Variants in SCLT1 observed in about 807,000 individuals in gnomAD.
The protein encoded by SCLT1 is sodium channel and clathrin linker 1, also known as sodium channel-associated protein 1.
SCLT1 carries 78 observed loss-of-function variants against 112.8 expected under a neutral mutation model. That is an observed-to-expected ratio of 0.69 (90% CI 0.58 to 0.83). The LOEUF (loss-of-function observed/expected upper bound fraction) is 0.83. Among genes scored for constraint, SCLT1 ranks in the 40% least tolerant of loss-of-function variants. The probability of loss-of-function intolerance (pLI) is 0.00; values close to 1 mark genes in which losing one functional copy is unlikely to be tolerated. For missense variants in SCLT1, 747 were observed against 770.4 expected, an observed-to-expected ratio of 0.97 and a Z score of 0.36; for synonymous variants, 257 against 254.7, an observed-to-expected ratio of 1.01 and a Z score of -0.09.
At chr4:128,988,279 A>G (rs1742271397) in intron 9 of SCLT1, among the ~76,000 whole-genome samples, 1 of 152,032 alleles carries the variant, frequency 6.6e-6, no homozygotes, top group Admixed American at 6.6e-5. Flanking sequence ...AAATACTACA[A>G]CTTTTGAAGA....
chr4:128,959,069 ATCAT>A (rs1739455627), intron 12 of SCLT1, among the ~76,000 whole-genome samples: 2 of 152,198 alleles, frequency 1.3e-5, no homozygotes, highest in Admixed American at 1.3e-4. Flanking sequence ...ACTTAAATGT[ATCAT>A]TCATAGGGAA....
intron 9 of SCLT1, among the ~76,000 whole-genome samples, chr4:128,974,420 A>T (rs1472346207): frequency 6.6e-6 from 1 of 151,534 alleles, no homozygotes; most frequent in Non-Finnish European, 1.5e-5. Flanking sequence ...TGCCAGAAAA[A>T]ATGACCCTGA....
At position 128,925,169 on chromosome 4, in the gene SCLT1, G is replaced by A. The variant is rs571389803; in HGVS notation, c.1829+11486C>T. 2.0e-3 allele frequency among the ~76,000 whole-genome samples: 304 copies of A among 152,220 alleles called. 1 individual carries two copies. Among genetic ancestry groups the A allele is most frequent in the Non-Finnish European group, 3.9e-3 (262 of 68,024 alleles). ...CAATGCGTTGATTGCAACTTTATGA[G>A]AAACCCTGAGTCAGAGGCATTCTGA... On this transcript the variant is annotated intron_variant, in intron 18 of 20. Coordinates refer to ENST00000281142, the MANE Select transcript of SCLT1 (RefSeq NM_144643.4).
Position 129,093,124 on chromosome 4 carries a change from G to C in SCLT1, c.-21C>G, listed in dbSNP as rs749429948. The C allele has an allele frequency of 6.8e-6, 11 of 1,611,908 alleles. No homozygotes were observed. Among genetic ancestry groups the C allele is most frequent in the Non-Finnish European group, 9.3e-6 (11 of 1,178,086 alleles). On this transcript the variant is annotated 5_prime_UTR_variant, in exon 1 of 21. Transcript: ENST00000281142. ...GCCATTTCGATACAATTTTAGTTTA[G>C]AGCTTTCACCACCTTTACCTTCCTC...
chr4:128,962,325 G>A (rs986048890), intron 11 of SCLT1, among the ~76,000 whole-genome samples: 1 of 152,126 alleles, frequency 6.6e-6, no homozygotes, highest in Non-Finnish European at 1.5e-5. Context: ...GACATATTAT[G>A]TGAATGGAAT....
intron 18 of SCLT1, among the ~76,000 whole-genome samples, chr4:128,897,280 C>T (rs146397486): frequency 0.27 from 40,491 of 151,690 alleles, 5,765 homozygotes; most frequent in East Asian, 0.33. Context: ...AGAGAAAGAT[C>T]GGGTTACCCA....
Position 128,992,941 on chromosome 4 carries a change from T to C in SCLT1, c.616-704A>G, listed in dbSNP as rs537169031. ...TTTTATCCATGATGATACAAATTCCTTATCCCTTTTCTTTATATATTATGG... is the reference window on the plus strand; with the variant it reads ...TTTTATCCATGATGATACAAATTCCCTATCCCTTTTCTTTATATATTATGG... On this transcript the variant is annotated intron_variant, in intron 8 of 20. Transcript: ENST00000281142. 2.6e-5 allele frequency among the ~76,000 whole-genome samples: 4 copies of C among 152,136 alleles called. No individual in the cohort carries two copies. In the South Asian group the frequency reaches 8.3e-4, roughly 32 times the overall value.
In SCLT1 at chr4:128,992,312, A is replaced by G. The variant is rs145825690; in HGVS notation, c.616-75T>C. The G allele has an allele frequency of 2.0e-4, 184 of 912,924 alleles. 1 individual carries two copies. The African/African-American group carries it at 2.3e-3, about 11-fold the overall frequency. The allele number at this position is 912,924 out of a possible 1,614,324, so 56.6% of individuals were successfully genotyped here. A position where few individuals can be genotyped will look rare whatever the true frequency, so the allele number is the denominator to read the frequency against. On this transcript the variant is annotated intron_variant, in intron 8 of 20. Transcript: ENST00000281142. ...TCTTTAAAGATGACACATCAGACAT[A>G]CAAGTAGAAAAAAAGTTTAGTGAGA... is the stretch of plus-strand genomic sequence containing the variant.
rs141275432 is a variant in SCLT1, at chr4:128,936,778, C to T, written c.1706G>A (p.Ser569Asn). The T allele has an allele frequency of 6.2e-7, 1 of 1,608,208 alleles. No individual in the cohort carries two copies. Among genetic ancestry groups the T allele is most frequent in the East Asian group, 2.2e-5 (1 of 44,796 alleles). Residue 569 changes from serine to asparagine, a missense_variant, in exon 18 of 21, where the codon AGT becomes AAT. Ser to Asn is a conservative substitution (Grantham distance 46). Coordinates refer to ENST00000281142, the MANE Select transcript of SCLT1 (RefSeq NM_144643.4). ...FEVQLREMED[S>N]NRNSIVELRH... ...CAGTTCAACAATGGAATTTCTATTA[C>T]TGTCTTCCATCTCTCTCAATTGAAC...
At position 129,019,633 on chromosome 4, in the gene SCLT1, C is replaced by T. The variant is rs149087197; in HGVS notation, c.291-15757G>A. On this transcript the variant is annotated intron_variant, in intron 5 of 20. Coordinates refer to ENST00000281142, the MANE Select transcript of SCLT1 (RefSeq NM_144643.4). ...GCCATTTGCACCCTGCCACAGCTGC[C>T]GCTATATTTTTGTGTATTTTTTTAT... 6.1e-3 allele frequency among the ~76,000 whole-genome samples: 923 copies of T among 151,608 alleles called. 16 individuals are homozygous for T. The highest frequency in any genetic ancestry group is 0.021 in the African/African-American group (888 of 41,316).
intron 2 of SCLT1, among the ~76,000 whole-genome samples, chr4:129,068,613 T>C (rs1228201178): frequency 1.3e-5 from 2 of 152,220 alleles, no homozygotes; most frequent in Non-Finnish European, 2.9e-5. Flanking sequence ...TACTTTTTGA[T>C]GGGATTATTT....
chr4:129,002,019 G>C (rs560461283), intron 6 of SCLT1, among the ~76,000 whole-genome samples: 8 of 151,458 alleles, frequency 5.3e-5, no homozygotes, highest in African/African-American at 1.7e-4. Context: ...AAAAAAATTA[G>C]TGTTAAATAC....
chr4:128,891,135 C>T lies in SCLT1; in HGVS notation c.1832G>A (p.Ser611Asn). ...ATGAAGTTTCTGTCGACTCAGCTCA[C>T]TCCTATTAAGAGCACCAAAAAATCC... ...SAEIRINNLK[S>N]ELSRQKLHTQ... is the part of the protein sequence containing the mutation. Residue 611 changes from serine to asparagine, a missense_variant and splice_region_variant, in exon 19 of 21, where the codon AGT (serine) becomes AAT (asparagine). Around this residue, in one of 2 missense-constraint regions of SCLT1, gnomAD observed 723 missense variants for 721.3 expected, o/e 1.00. Coordinates refer to ENST00000281142, the MANE Select transcript of SCLT1 (RefSeq NM_144643.4). The T allele has an allele frequency of 1.2e-6, 2 of 1,610,632 alleles. No individual in the cohort carries two copies. The highest frequency in any genetic ancestry group is 2.2e-5 in the South Asian group (2 of 90,710).
At chr4:128,938,934 AT>A (rs1454414713) in intron 17 of SCLT1, among the ~76,000 whole-genome samples, 4 of 152,196 alleles carry the variant, frequency 2.6e-5, no homozygotes, top group Non-Finnish European at 4.4e-5. Flanking sequence ...GTGAGCCAAG[AT>A]CACGCCATTG....
intron 9 of SCLT1, among the ~76,000 whole-genome samples, chr4:128,990,595 C>T (rs1365551244): frequency 6.6e-6 from 1 of 151,676 alleles, no homozygotes; most frequent in Admixed American, 6.6e-5. Context: ...CTAGCCAAAA[C>T]AGTCAGACAA....
intron 1 of SCLT1, among the ~76,000 whole-genome samples, chr4:129,086,392 G>A (rs145547585): frequency 6.4e-4 from 97 of 151,632 alleles, no homozygotes; most frequent in African/African-American, 2.2e-3. Flanking sequence ...TTGGATTTTA[G>A]TTCCAACATG....
chr4:129,073,521 C>T (rs1196899579), intron 2 of SCLT1, among the ~76,000 whole-genome samples: 1 of 152,064 alleles, frequency 6.6e-6, no homozygotes, highest in African/African-American at 2.4e-5. Flanking sequence ...AATTGATCTA[C>T]CCATCATTTA....
At chr4:128,966,995 G>A (rs6820403) in intron 10 of SCLT1, among the ~76,000 whole-genome samples, 112,498 of 151,706 alleles carry the variant, frequency 0.74, 42,868 homozygotes, top group African/African-American at 0.93. Flanking sequence ...TAGTTTTTCA[G>A]TACTCACCCT....
chr4:128,999,459 T>TA (rs1445651882), intron 7 of SCLT1, among the ~76,000 whole-genome samples: 4 of 151,986 alleles, frequency 2.6e-5, no homozygotes, highest in Non-Finnish European at 5.9e-5. Flanking sequence ...CTGACAACAT[T>TA]ATAGAACCAA....
Sources: allele counts gnomAD v4.1 joint callset (sites outside exome capture counted in the v4.1 genomes callset), GRCh38; gene constraint gnomAD v4.1.1; regional missense constraint gnomAD v4.1.1; transcripts MANE v1.5; gene names NCBI Gene and HGNC (gene_info 2026-07-23, HGNC 2026-07-21).